Variants in RELN observed in about 807,000 individuals in gnomAD.
RELN encodes reelin.
RELN carries 108 observed loss-of-function variants against 427.6 expected under a neutral mutation model. The ratio of observed to expected loss-of-function variants is 0.25; its 90% CI spans 0.22 to 0.30. The LOEUF (loss-of-function observed/expected upper bound fraction) is 0.30, where lower values mean the gene tolerates loss of function less well. Ranked by LOEUF, RELN falls within the 10% of genes least tolerant of loss-of-function variation. The probability of loss-of-function intolerance (pLI) is 1.00; values close to 1 mark genes in which losing one functional copy is unlikely to be tolerated. For synonymous variants in RELN, 1,524 were observed against 1,513.4 expected, an observed-to-expected ratio of 1.01 and a Z score of -0.16; for missense variants, 3,715 against 4,302.8, an observed-to-expected ratio of 0.86 and a Z score of 3.82.
chr7:103,823,742 C>T, intron 3 of RELN, among the ~76,000 whole-genome samples: 1 of 152,132 alleles, frequency 6.6e-6, no homozygotes, highest in East Asian at 1.9e-4. Context: ...AATTTCTTTG[C>T]TCACTATTAA....
intron 3 of RELN, among the ~76,000 whole-genome samples, chr7:103,794,574 T>C (rs1034256801): frequency 1.3e-5 from 2 of 152,144 alleles, no homozygotes; most frequent in African/African-American, 4.8e-5. Context: ...AAGAATAATT[T>C]TTCACTGAAG....
chr7:103,821,713 A>G (rs1057267664), intron 3 of RELN, among the ~76,000 whole-genome samples: 1 of 152,120 alleles, frequency 6.6e-6, no homozygotes, highest in African/African-American at 2.4e-5. Context: ...CTTTCAATAT[A>G]TTTACTTAGG....
At chr7:103,817,015 C>T (rs1194911152) in intron 3 of RELN, among the ~76,000 whole-genome samples, 5 of 152,044 alleles carry the variant, frequency 3.3e-5, no homozygotes, top group Non-Finnish European at 7.4e-5. Context: ...CCATGCCTCG[C>T]TGATTTTTGT....
chr7:103,493,543 G>T (rs1828735012), intron 57 of RELN, among the ~76,000 whole-genome samples: 1 of 152,146 alleles, frequency 6.6e-6, no homozygotes, highest in Non-Finnish European at 1.5e-5. Context: ...TTTGAAATTT[G>T]CTCTTCAAGA....
Position 103,989,055 on chromosome 7 carries a change from A to G in RELN, c.226+76T>C. ...GTTCTTGTTTCCAAGGCCCCTTGGA[A>G]GAAGGAAAGGGATGAGAAAGGTGCG... On this transcript the variant is annotated intron_variant, in intron 1 of 64. Coordinates refer to ENST00000428762, the MANE Select transcript of RELN (RefSeq NM_005045.4). The surrounding 1 kb of genome is among the most constrained non-coding windows in gnomAD (Gnocchi z 4.9). The G allele has an allele frequency of 7.5e-7, 1 of 1,329,290 alleles. No individual in the cohort carries two copies. Among genetic ancestry groups the G allele is most frequent in the Non-Finnish European group, 1.1e-6 (1 of 923,268 alleles). 82.3% of individuals were successfully genotyped at this position (1,329,290 alleles called of 1,614,324 possible).
At chr7:103,707,851 C>CA (rs1418000274) in intron 8 of RELN, among the ~76,000 whole-genome samples, 2 of 151,836 alleles carry the variant, frequency 1.3e-5, no homozygotes, top group Non-Finnish European at 1.5e-5. Context: ...GCAAAACAAA[C>CA]AAAAAAACTA....
At chr7:103,930,757 C>T (rs1221800512) in intron 1 of RELN, among the ~76,000 whole-genome samples, 1 of 152,074 alleles carries the variant, frequency 6.6e-6, no homozygotes, top group Non-Finnish European at 1.5e-5. Context: ...CATGAGCCAC[C>T]GTGCCCAGCC....
In RELN at chr7:103,510,926, G is replaced by A. The variant is rs1829388946; in HGVS notation, c.8199C>T (p.Gly2733=). Residue 2733 remains glycine, a synonymous_variant, in exon 51 of 65, where the codon GGC becomes GGT. Coordinates refer to ENST00000428762, the MANE Select transcript of RELN (RefSeq NM_005045.4). ...CDSPDGVMLC[G]SHDGREVYAV... Reference sequence around the variant, plus strand: ...CATACACCTCCCGTCCATCATGACTGCCACAGAGCATCACACCATCAGGGG... The same window carrying A: ...CATACACCTCCCGTCCATCATGACTACCACAGAGCATCACACCATCAGGGG... The A allele has an allele frequency of 6.2e-7, 1 of 1,611,934 alleles. No individual in the cohort carries two copies. Among genetic ancestry groups the A allele is most frequent in the Admixed American group, 1.7e-5 (1 of 59,972 alleles).
At chr7:103,670,235 G>T (rs781475963) in intron 11 of RELN, among the ~76,000 whole-genome samples, 21 of 152,012 alleles carry the variant, frequency 1.4e-4, no homozygotes, top group African/African-American at 2.4e-5. Context: ...GGGTAGCTTG[G>T]CAATAACTAT....
intron 41 of RELN, among the ~76,000 whole-genome samples, chr7:103,549,183 G>C (rs772493501): frequency 5.9e-5 from 9 of 152,058 alleles, no homozygotes; most frequent in Non-Finnish European, 1.3e-4. Context: ...AAATCGGGTG[G>C]CTTATAAATA....
intron 1 of RELN, among the ~76,000 whole-genome samples, chr7:103,920,394 C>T (rs538951685): frequency 1.3e-5 from 2 of 152,138 alleles, no homozygotes; most frequent in South Asian, 4.2e-4. Context: ...TGTTAATAAG[C>T]AAATCCTTCA....
chr7:103,747,905 C>T lies in RELN; in HGVS notation c.656+1521G>A, dbSNP rs1189616918. On this transcript the variant is annotated intron_variant, in intron 6 of 64. Transcript: ENST00000428762. Reference sequence around the variant, plus strand: ...CTATCAGATCAGTCATGAAAATGGGCGAAGAAAAATCAATCACATTTTATT... The same window carrying T: ...CTATCAGATCAGTCATGAAAATGGGTGAAGAAAAATCAATCACATTTTATT... 4.0e-5 allele frequency among the ~76,000 whole-genome samples: 6 copies of T among 151,176 alleles called. 1 individual carries two copies. The South Asian group carries it at 6.2e-4, about 16-fold the overall frequency.
chr7:103,842,431 T>C (rs1793574393), intron 2 of RELN, among the ~76,000 whole-genome samples: 1 of 152,230 alleles, frequency 6.6e-6, no homozygotes, highest in Non-Finnish European at 1.5e-5. Flanking sequence ...TTATTTTCTT[T>C]CTTTCCTAGG....
chr7:103,542,786 T>C lies in RELN; in HGVS notation c.6616A>G (p.Asn2206Asp), dbSNP rs1200171328. ...ILSSGNNLFF[N>D]EDGLRMLMTR... ...ATCAACATGCGCAAGCCATCTTCAT[T>C]GAAAAAGAGGTTGTTTCCACTAGAA... Residue 2206 changes from asparagine (N) to aspartate (D), a missense_variant, in exon 43 of 65, where the codon AAT becomes GAT. Coordinates refer to ENST00000428762, the MANE Select transcript of RELN (RefSeq NM_005045.4). 2.5e-6 allele frequency: 4 copies of C among 1,614,166 alleles called. No homozygotes were observed. Among genetic ancestry groups the C allele is most frequent in the African/African-American group, 1.3e-5 (1 of 75,056 alleles).
chr7:103,721,629 G>A (rs1790079429), intron 8 of RELN, among the ~76,000 whole-genome samples: 1 of 152,090 alleles, frequency 6.6e-6, no homozygotes, highest in South Asian at 2.1e-4. Flanking sequence ...TTTAATTGGT[G>A]TAGGAGCTCT....
At chr7:103,930,592 G>A (rs917047015) in intron 1 of RELN, among the ~76,000 whole-genome samples, 21 of 152,048 alleles carry the variant, frequency 1.4e-4, no homozygotes, top group African/African-American at 5.1e-4. Context: ...AGCCTCCTGA[G>A]TCACTGGGAC....
chr7:103,908,875 T>C (rs1033674239), intron 2 of RELN, among the ~76,000 whole-genome samples: 13 of 151,632 alleles, frequency 8.6e-5, no homozygotes, highest in Middle Eastern at 3.4e-3. Context: ...TCTTTGTACA[T>C]TGGCTGGAGT....
intron 25 of RELN, among the ~76,000 whole-genome samples, chr7:103,594,707 T>A (rs1183756206): frequency 1.3e-5 from 2 of 152,216 alleles, no homozygotes; most frequent in Non-Finnish European, 2.9e-5. Flanking sequence ...TGGAATTGTA[T>A]CTTTTGGAGA....
Position 103,926,627 on chromosome 7 carries a change from G to GTT in RELN, c.227-9444_227-9443dup, listed in dbSNP as rs60259062. Among the ~76,000 whole-genome samples the GTT allele has an allele frequency of 8.2e-3, 818 of 99,334 alleles. 79 individuals carry two copies. Among genetic ancestry groups the GTT allele is most frequent in the African/African-American group, 0.011 (298 of 28,126 alleles). 65.2% of individuals were successfully genotyped at this position (99,334 alleles called of 152,430 possible). ...CGAACGCAGCTCTAAAGTATCATAAGTTTTTTTTTTTTTTTTTTTTTTTTT... is the reference window on the plus strand; with the variant it reads ...CGAACGCAGCTCTAAAGTATCATAAGTTTTTTTTTTTTTTTTTTTTTTTTTTT... On this transcript the variant is annotated intron_variant, in intron 1 of 64. Transcript: ENST00000428762.
Sources: allele counts gnomAD v4.1 joint callset (sites outside exome capture counted in the v4.1 genomes callset), GRCh38; gene constraint gnomAD v4.1.1; non-coding constraint Gnocchi (gnomAD v3.1); transcripts MANE v1.5; gene names NCBI Gene and HGNC (gene_info 2026-07-23, HGNC 2026-07-21).